The following GSK3A variants were observed in gnomAD, a reference collection of about 807,000 sequenced individuals.
GSK3A encodes glycogen synthase kinase-3 alpha.
GSK3A carries 14 observed loss-of-function variants against 56.6 expected under a neutral mutation model. The ratio of observed to expected loss-of-function variants is 0.25; its 90% CI spans 0.16 to 0.39. The LOEUF (loss-of-function observed/expected upper bound fraction) is 0.39, where lower values mean the gene tolerates loss of function less well. GSK3A is among the 10% of genes least tolerant of loss of function. The probability of loss-of-function intolerance (pLI) is 1.00; values close to 1 mark genes in which losing one functional copy is unlikely to be tolerated. For synonymous variants in GSK3A, 301 were observed against 285.0 expected (o/e 1.06, Z -0.56); for missense variants, 450 against 656.0 (o/e 0.69, Z 3.43).
intron 6 of GSK3A, 83 bp from the exon 7 acceptor site, chr19:42,233,466 AAG>A (rs913144093): frequency 1.0e-4 from 91 of 909,482 alleles, no homozygotes; most frequent in Non-Finnish European, 1.7e-5. Flanking sequence ...TGGCCATCCT[AAG>A]AGTGTCAGGA....
In GSK3A at chr19:42,242,360, GGCCGCCGCCGCCTCCTCC is replaced by G. The variant is rs1568467581; in HGVS notation, c.88_105del (p.Gly30_Gly35del). ...CCTGGGCCGGAGGCCGAGCCTCCGGGGCCGCCGCCGCCTCCTCCGCCTCCGCCGCCGGGCTCCGCGAAC... is the reference window on the plus strand; with the variant it reads ...CCTGGGCCGGAGGCCGAGCCTCCGGGGCCTCCGCCGCCGGGCTCCGCGAAC... On this transcript the variant is annotated inframe_deletion, in exon 1 of 11. Transcript: ENST00000222330. 7.1e-7 allele frequency: 1 copy of G among 1,405,112 alleles called. No homozygotes were observed. The highest frequency in any genetic ancestry group is 9.2e-7 in the Non-Finnish European group (1 of 1,082,568). The allele number at this position is 1,405,112 out of a possible 1,614,324, so 87.0% of individuals were successfully genotyped here.
chr19:42,242,139 G>A, intron 1 of GSK3A, 44 bp downstream of exon 1: 1 of 1,302,036 alleles, frequency 7.7e-7, no homozygotes, highest in Non-Finnish European at 9.8e-7. Context: ...GAGGAGCTTT[G>A]GGAACCCTAA....
In GSK3A at chr19:42,236,720, C is replaced by A; in HGVS notation, c.556-4G>T. 1 of 1,608,160 alleles carries A rather than the reference C, an allele frequency of 6.2e-7. No individual in the cohort carries two copies. The highest frequency in any genetic ancestry group is 8.5e-7 in the Non-Finnish European group (1 of 1,174,684). On this transcript the variant is annotated splice_region_variant and splice_polypyrimidine_tract_variant and intron_variant, in intron 3 of 10. Transcript: ENST00000222330. ...GATTTAGGTAAAGCTCGTCTTTCTG[C>A]AGGGAGCAAAGGAGAGGTGTGAGGC...
At chr19:42,236,355 G>A (rs1490777194) in intron 4 of GSK3A, among the ~76,000 whole-genome samples, 1 of 152,136 alleles carries the variant, frequency 6.6e-6, no homozygotes, top group Admixed American at 6.5e-5. Flanking sequence ...ATGGACCTGA[G>A]CAACTACCTG....
At chr19:42,230,954 T>C (rs1057290707) in intron 10 of GSK3A, 87 bp from the exon 11 acceptor site, 6 of 857,362 alleles carry the variant, frequency 7.0e-6, no homozygotes, top group Non-Finnish European at 1.2e-5. Flanking sequence ...TCTCTTGTCA[T>C]AGATGCTACA....
intron 10 of GSK3A, 63 bp downstream of exon 10, chr19:42,231,994 G>C: frequency 1.1e-6 from 1 of 872,350 alleles, no homozygotes; most frequent in South Asian, 1.6e-5. Context: ...GTCACTGAGC[G>C]AACAGCCCCA....
At chr19:42,236,472 G>T in intron 4 of GSK3A, 134 bp downstream of exon 4, 1 of 682,862 alleles carries the variant, frequency 1.5e-6, no homozygotes, top group East Asian at 2.6e-5. Flanking sequence ...GGGGTTATGG[G>T]AACAACAGCA....
At chr19:42,240,840 T>G (rs2036287315) in intron 1 of GSK3A, 1 of 152,266 alleles carries the variant, frequency 6.6e-6, no homozygotes, top group Non-Finnish European at 1.5e-5. Flanking sequence ...ATTATGATAA[T>G]GATGAACCTG....
At chr19:42,236,089 C>T (rs1339995504) in intron 4 of GSK3A, among the ~76,000 whole-genome samples, 2 of 151,714 alleles carry the variant, frequency 1.3e-5, no homozygotes, top group East Asian at 3.9e-4. Context: ...ATTCAAACAC[C>T]TCCTGAAGGT....
chr19:42,233,295 C>A lies in GSK3A; in HGVS notation c.993G>T (p.Glu331Asp). ...PGDSGVDQLV[E>D]IIKVLGTPTR... ...CAGCCCCGCCCCTCACCTTGATGATCTCCACCAGCTGGTCCACCCCACTGT... is the reference window on the plus strand; with the variant it reads ...CAGCCCCGCCCCTCACCTTGATGATATCCACCAGCTGGTCCACCCCACTGT... Residue 331 changes from glutamate to aspartate, a missense_variant, in exon 7 of 11, where the codon GAG becomes GAT. Around this residue, in one of 3 missense-constraint regions of GSK3A, gnomAD observed 144 missense variants for 308.0 expected, o/e 0.47. Transcript: ENST00000222330. 1.8e-6 allele frequency: 2 copies of A among 1,096,308 alleles called. No homozygotes were observed. Among genetic ancestry groups the A allele is most frequent in the Non-Finnish European group, 2.6e-6 (2 of 766,752 alleles). The allele number at this position is 1,096,308 out of a possible 1,614,324, so 67.9% of individuals were successfully genotyped here. A position where few individuals can be genotyped will look rare whatever the true frequency, so the allele number is the denominator to read the frequency against.
At chr19:42,231,798 C>A (rs1653645848) in intron 10 of GSK3A, among the ~76,000 whole-genome samples, 1 of 151,360 alleles carries the variant, frequency 6.6e-6, no homozygotes, top group Non-Finnish European at 1.5e-5. Context: ...CAAACTTGGG[C>A]AACGAATTCA....
chr19:42,238,485 T>G (rs1726064180), intron 2 of GSK3A, among the ~76,000 whole-genome samples: 1 of 151,090 alleles, frequency 6.6e-6, no homozygotes, highest in Non-Finnish European at 1.5e-5. Context: ...CACACGCCTG[T>G]AGTCCCAGCT....
chr19:42,237,279 C>G (rs2036263243), intron 2 of GSK3A, among the ~76,000 whole-genome samples: 1 of 151,938 alleles, frequency 6.6e-6, no homozygotes, highest in South Asian at 2.1e-4. Flanking sequence ...CTGCCTCAGC[C>G]TTCCAAGTAG....
At position 42,234,735 on chromosome 19, in the gene GSK3A, T is replaced by G; in HGVS notation, c.667-57A>C. On this transcript the variant is annotated intron_variant, in intron 4 of 10. Transcript: ENST00000222330. This position sits in a 1 kb window ranked among gnomAD's most constrained non-coding sequence, Gnocchi z 5.7. ...CCCAGCTTTCCCCATACAGCACCAC[T>G]ACCCCACCAGCTTGGCCTGAAGAGC... 6.8e-7 allele frequency: 1 copy of G among 1,474,246 alleles called. No individual in the cohort carries two copies. Among genetic ancestry groups the G allele is most frequent in the Non-Finnish European group, 9.1e-7 (1 of 1,104,700 alleles). 91.3% of individuals were successfully genotyped at this position (1,474,246 alleles called of 1,614,324 possible).
At chr19:42,233,064 G>T in intron 8 of GSK3A, 46 bp downstream of exon 8, 1 of 1,261,056 alleles carries the variant, frequency 7.9e-7, no homozygotes, top group Non-Finnish European at 1.1e-6. Context: ...CTCCAAGGGG[G>T]ACCAGCTCTC....
chr19:42,237,945 A>G (rs573037279), intron 2 of GSK3A, among the ~76,000 whole-genome samples: 221 of 151,958 alleles, frequency 1.5e-3, no homozygotes, highest in African/African-American at 5.2e-3. Flanking sequence ...GAACCTGGCT[A>G]TGTTGGCCAG....
chr19:42,242,235 G>C lies in GSK3A; in HGVS notation c.231C>G (p.Ser77Arg). The C allele has an allele frequency of 6.9e-7, 1 of 1,441,070 alleles. No homozygotes were observed. Among genetic ancestry groups the C allele is most frequent in the Non-Finnish European group, 9.1e-7 (1 of 1,101,684 alleles). The allele number at this position is 1,441,070 out of a possible 1,614,324, so 89.3% of individuals were successfully genotyped here. A position where few individuals can be genotyped will look rare whatever the true frequency, so the allele number is the denominator to read the frequency against. Reference sequence around the variant, plus strand: ...AGCTAGTGCCTGCGCCGGGGCCTCCGCTGCCTCCTCCGCCGCTGCCGCCGG... The same window carrying C: ...AGCTAGTGCCTGCGCCGGGGCCTCCCCTGCCTCCTCCGCCGCTGCCGCCGG... ...GGPGGSGGGGSGGPGAGTSFP... is the reference protein window; with the variant it reads ...GGPGGSGGGGRGGPGAGTSFP... The change falls in exon 1 of 11, where the codon AGC becomes AGG. Residue 77 changes from serine (S) to arginine (R), a missense_variant. Ser to Arg is a moderately radical substitution (Grantham distance 110). This residue lies in a region of GSK3A where 193 missense variants were observed against 200.5 expected (regional missense o/e 0.96). Transcript: ENST00000222330.
At chr19:42,242,018 T>A in intron 1 of GSK3A, 165 bp downstream of exon 1, 1 of 487,740 alleles carries the variant, frequency 2.1e-6, no homozygotes. Flanking sequence ...CAAGAGATGG[T>A]AACCCCAAGA....
chr19:42,236,914 G>A lies in GSK3A; in HGVS notation c.499C>T (p.Leu167=). Residue 167 remains leucine, a synonymous_variant, in exon 3 of 11, where the codon CTG becomes TTG. Transcript: ENST00000222330. ...AGCCTCACAATATTGCAGTGGTCCA[G>A]CTTACGCATGATCTGCAGCTCTCGG... The part of the protein sequence containing the change: ...KNRELQIMRK[L]DHCNIVRLRY... 2 of 1,612,762 alleles carry A rather than the reference G, an allele frequency of 1.2e-6. No homozygotes were observed. Among genetic ancestry groups the A allele is most frequent in the South Asian group, 2.2e-5 (2 of 91,044 alleles).
Sources: gnomAD v4.1 joint callset for allele counts (sites outside exome capture counted in the v4.1 genomes callset) on GRCh38, gnomAD v4.1.1 for gene constraint, gnomAD v4.1.1 regional missense constraint, Gnocchi (gnomAD v3.1) non-coding constraint, MANE v1.5 for transcripts, NCBI Gene and HGNC (gene_info 2026-07-23, HGNC 2026-07-21) for gene names.